Variants in CEP112 observed in about 807,000 individuals in gnomAD.
CEP112 encodes the protein centrosomal protein 112, also known as centrosomal protein of 112 kDa.
In CEP112, 127 loss-of-function variants were observed where a neutral mutation model predicts 153.0. The observed-to-expected ratio is 0.83, with a 90% CI of 0.72 to 0.96. The LOEUF is 0.96. CEP112 is among the 40% of genes least tolerant of loss of function. CEP112 has a pLI of 0.00. For synonymous variants in CEP112, 358 were observed against 374.4 expected, an observed-to-expected ratio of 0.96 and a Z score of 0.51; for missense variants, 1,089 against 1,101.2, an observed-to-expected ratio of 0.99 and a Z score of 0.16.
chr17:65,851,300 A>G (rs2057921024), intron 21 of CEP112, among the ~76,000 whole-genome samples: 1 of 152,224 alleles, frequency 6.6e-6, no homozygotes, highest in African/African-American at 2.4e-5. Context: ...TTATATTGAC[A>G]TTTATTCCAA....
intron 24 of CEP112, among the ~76,000 whole-genome samples, chr17:65,679,269 A>C (rs2047398415): frequency 6.7e-6 from 1 of 150,250 alleles, no homozygotes. Context: ...AGAATGATGC[A>C]TCATACCAGC....
chr17:65,747,237 C>G (rs1324622664), intron 22 of CEP112, among the ~76,000 whole-genome samples: 1 of 152,146 alleles, frequency 6.6e-6, no homozygotes, highest in Non-Finnish European at 1.5e-5. Flanking sequence ...GTTAGGTGAA[C>G]ACTGACGCTC....
At chr17:65,784,125 G>C (rs1318971771) in intron 21 of CEP112, among the ~76,000 whole-genome samples, 4 of 152,212 alleles carry the variant, frequency 2.6e-5, no homozygotes, top group African/African-American at 9.7e-5. Flanking sequence ...CTTTATGCGT[G>C]AGAAAATGGG....
At chr17:65,892,190 G>A (rs2059491855) in intron 20 of CEP112, among the ~76,000 whole-genome samples, 1 of 152,166 alleles carries the variant, frequency 6.6e-6, no homozygotes, top group East Asian at 1.9e-4. Context: ...CTAAAGGTGT[G>A]CATGCCCAGC....
At chr17:65,848,300 A>T (rs2057799225) in intron 21 of CEP112, among the ~76,000 whole-genome samples, 1 of 152,156 alleles carries the variant, frequency 6.6e-6, no homozygotes, top group African/African-American at 2.4e-5. Context: ...TTTTCAGCGC[A>T]CTGTCCAAGA....
chr17:65,970,752 A>G (rs1402517146), intron 17 of CEP112, among the ~76,000 whole-genome samples: 1 of 52,934 alleles, frequency 1.9e-5, no homozygotes, highest in African/African-American at 5.8e-5. Flanking sequence ...ATACATGCAC[A>G]TTACAGGTAT....
chr17:65,661,148 C>T (rs903174512), intron 24 of CEP112, among the ~76,000 whole-genome samples: 1 of 152,138 alleles, frequency 6.6e-6, no homozygotes, highest in Non-Finnish European at 1.5e-5. Flanking sequence ...GTGACTCATG[C>T]CTTTGCACAT....
intron 23 of CEP112, among the ~76,000 whole-genome samples, chr17:65,742,584 C>T (rs1208018207): frequency 6.6e-6 from 1 of 152,194 alleles, no homozygotes; most frequent in Non-Finnish European, 1.5e-5. Context: ...TTCTCAGCAG[C>T]AACACATCTA....
chr17:65,911,966 C>CG (rs1568214890), intron 19 of CEP112, among the ~76,000 whole-genome samples: 1 of 152,212 alleles, frequency 6.6e-6, no homozygotes, highest in African/African-American at 2.4e-5. Context: ...TAGCTCCCTT[C>CG]GGGGGGAATA....
chr17:65,874,742 C>T (rs950049957), intron 20 of CEP112, among the ~76,000 whole-genome samples: 3 of 152,068 alleles, frequency 2.0e-5, no homozygotes, highest in Admixed American at 6.5e-5. Context: ...CTATTTCTTA[C>T]AGCATGCTTC....
intron 24 of CEP112, among the ~76,000 whole-genome samples, chr17:65,651,301 G>C (rs531890558): frequency 6.6e-6 from 1 of 152,244 alleles, no homozygotes; most frequent in Non-Finnish European, 1.5e-5. Context: ...GTATTCTATT[G>C]CATATAGACC....
chr17:65,714,480 A>G (rs1419299372), intron 23 of CEP112, among the ~76,000 whole-genome samples: 4 of 151,880 alleles, frequency 2.6e-5, no homozygotes, highest in Non-Finnish European at 5.9e-5. Flanking sequence ...AATAGTATAT[A>G]TATCTGTCGG....
At chr17:66,008,865 G>A (rs1222402366) in intron 16 of CEP112, among the ~76,000 whole-genome samples, 1 of 151,514 alleles carries the variant, frequency 6.6e-6, no homozygotes, top group African/African-American at 2.4e-5. Flanking sequence ...GTATTCCACT[G>A]TATATATACA....
intron 21 of CEP112, among the ~76,000 whole-genome samples, chr17:65,768,709 A>G (rs2053154671): frequency 1.3e-5 from 2 of 152,136 alleles, no homozygotes. Context: ...TCAGTTGACA[A>G]AAAAGCATTC....
intron 23 of CEP112, among the ~76,000 whole-genome samples, chr17:65,704,142 G>C (rs966767055): frequency 6.6e-6 from 1 of 152,016 alleles, no homozygotes; most frequent in African/African-American, 2.4e-5. Flanking sequence ...CCACAGATGG[G>C]AGTGATCATC....
chr17:65,637,984 T>G (rs2044868966), intron 25 of CEP112, among the ~76,000 whole-genome samples: 1 of 152,210 alleles, frequency 6.6e-6, no homozygotes, highest in African/African-American at 2.4e-5. Flanking sequence ...CCAACTTTGG[T>G]TCAATTCCTG....
At chr17:66,011,458 C>A (rs985740752) in intron 16 of CEP112, among the ~76,000 whole-genome samples, 2 of 152,114 alleles carry the variant, frequency 1.3e-5, no homozygotes, top group Non-Finnish European at 2.9e-5. Flanking sequence ...TGATTTCTGC[C>A]TAAATTGCAT....
At chr17:65,716,651 TATA>T (rs1167545622) in intron 23 of CEP112, among the ~76,000 whole-genome samples, 1 of 152,178 alleles carries the variant, frequency 6.6e-6, no homozygotes, top group East Asian at 1.9e-4. Flanking sequence ...ATCCACCATT[TATA>T]ATAATGTTTC....
chr17:65,777,355 C>T (rs1325932887), intron 21 of CEP112, among the ~76,000 whole-genome samples: 3 of 152,156 alleles, frequency 2.0e-5, no homozygotes, highest in Admixed American at 6.5e-5. Flanking sequence ...TTCTGTGACT[C>T]ACTGGTGATT....
Sources: gnomAD v4.1 joint callset for allele counts (sites outside exome capture counted in the v4.1 genomes callset) on GRCh38, gnomAD v4.1.1 for gene constraint, MANE v1.5 for transcripts, NCBI Gene and HGNC (gene_info 2026-07-23, HGNC 2026-07-21) for gene names.